Variants in BEND5 observed in about 807,000 individuals in gnomAD.
BEND5 encodes BEN domain containing 5.
BEND5 carries 22 observed loss-of-function variants against 43.9 expected under a neutral mutation model. That is an observed-to-expected ratio of 0.50 (90% CI 0.36 to 0.72). The LOEUF (loss-of-function observed/expected upper bound fraction) is 0.72, where lower values mean the gene tolerates loss of function less well. Ranked by LOEUF, BEND5 falls within the 30% of genes least tolerant of loss-of-function variation. The probability of loss-of-function intolerance (pLI) is 0.00; values close to 1 mark genes in which losing one functional copy is unlikely to be tolerated. For missense variants in BEND5, 428 were observed against 550.6 expected (o/e 0.78, Z 2.23); for synonymous variants, 228 against 225.9 (o/e 1.01, Z -0.08).
intron 1 of BEND5, among the ~76,000 whole-genome samples, chr1:48,762,614 T>TTGTGTGTGTGTGTGTG (rs58396843): frequency 9.0e-4 from 68 of 75,158 alleles, no homozygotes; most frequent in African/African-American, 2.6e-3. Flanking sequence ...TTTAAGGGTT[T>TTGTGTGTGTGTGTGTG]TGTGTGTGTG....
Position 48,761,324 on chromosome 1 carries a change from A to G in BEND5, c.360+13T>C. On this transcript the variant is annotated intron_variant, in intron 2 of 5. Transcript: ENST00000371833. The stretch of plus-strand genomic sequence containing the variant: ...CTCCAGCATACCTCCAAAGAAAGGA[A>G]AGATTTTGTTACCTTGATGTGTCTA... 4 of 1,541,340 alleles carry G rather than the reference A, an allele frequency of 2.6e-6. No individual in the cohort carries two copies. Among genetic ancestry groups the G allele is most frequent in the Non-Finnish European group, 3.5e-6 (4 of 1,142,734 alleles).
At chr1:48,743,759 T>C (rs114056380) in intron 3 of BEND5, among the ~76,000 whole-genome samples, 1,826 of 152,266 alleles carry the variant, frequency 0.012, 34 homozygotes, top group African/African-American at 0.042. Flanking sequence ...TCTTTATATA[T>C]TAAAGCCCTT....
chr1:48,771,466 T>C (rs146563805), intron 1 of BEND5, among the ~76,000 whole-genome samples: 3 of 152,362 alleles, frequency 2.0e-5, no homozygotes, highest in African/African-American at 4.8e-5. Flanking sequence ...GCACATACTA[T>C]TTAGCTGTAA....
chr1:48,776,659 G>A lies in BEND5; in HGVS notation c.173C>T (p.Pro58Leu). The A allele has an allele frequency of 6.7e-7, 1 of 1,493,782 alleles. No individual in the cohort carries two copies. Among genetic ancestry groups the A allele is most frequent in the East Asian group, 2.9e-5 (1 of 34,700 alleles). 92.5% of individuals were successfully genotyped at this position (1,493,782 alleles called of 1,614,324 possible). Residue 58 changes from proline to leucine, a missense_variant, in exon 1 of 6, where the codon CCC becomes CTC. Pro to Leu is a moderately conservative substitution (Grantham distance 98, BLOSUM62 -3). Around this residue, in one of 4 missense-constraint regions of BEND5, gnomAD observed 107 missense variants for 98.8 expected, o/e 1.08. Coordinates refer to ENST00000371833, the MANE Select transcript of BEND5 (RefSeq NM_024603.4). Reference protein sequence around the residue: ...GAGPESPPRAPRDWGALLLHK... With the variant: ...GAGPESPPRALRDWGALLLHK... ...GAGCAACAGCGCGCCCCAGTCGCGG[G>A]GGGCGCGCGGGGGGCTCTCGGGCCC...
chr1:48,745,344 G>A (rs1406652430), intron 3 of BEND5, among the ~76,000 whole-genome samples: 5 of 152,152 alleles, frequency 3.3e-5, no homozygotes, highest in African/African-American at 1.2e-4. Context: ...CTGTTAAGTT[G>A]AAATCAGAAG....
At position 48,776,683 on chromosome 1, in the gene BEND5, C is replaced by T; in HGVS notation, c.149G>A (p.Gly50Glu). ...GGGGGCGCGCGGGGGGCTCTCGGGCCCGGCGCCCAATTCCTCCGGGCCCCG... is the reference window on the plus strand; with the variant it reads ...GGGGGCGCGCGGGGGGCTCTCGGGCTCGGCGCCCAATTCCTCCGGGCCCCG... ...VYRGPEELGAGPESPPRAPRD... is the reference protein window; with the variant it reads ...VYRGPEELGAEPESPPRAPRD... Residue 50 changes from glycine to glutamate, a missense_variant, in exon 1 of 6, where the codon GGG (glycine) becomes GAG (glutamate). Coordinates refer to ENST00000371833, the MANE Select transcript of BEND5 (RefSeq NM_024603.4). The T allele has an allele frequency of 6.6e-7, 1 of 1,513,110 alleles. No individual in the cohort carries two copies. The highest frequency in any genetic ancestry group is 8.8e-7 in the Non-Finnish European group (1 of 1,132,150). 93.7% of individuals were successfully genotyped at this position (1,513,110 alleles called of 1,614,324 possible).
chr1:48,767,619 G>A (rs1365609964), intron 1 of BEND5, among the ~76,000 whole-genome samples: 1 of 152,154 alleles, frequency 6.6e-6, no homozygotes, highest in African/African-American at 2.4e-5. Context: ...ATGTGACTTT[G>A]GGATATGCTT....
intron 3 of BEND5, among the ~76,000 whole-genome samples, chr1:48,748,866 G>A (rs1490958801): frequency 6.6e-6 from 1 of 152,124 alleles, no homozygotes; most frequent in Admixed American, 6.5e-5. Flanking sequence ...TTTTCTGTGA[G>A]TGAGGGCAGG....
At chr1:48,763,079 A>C (rs953262115) in intron 1 of BEND5, among the ~76,000 whole-genome samples, 1 of 145,152 alleles carries the variant, frequency 6.9e-6, no homozygotes, top group African/African-American at 2.6e-5. Context: ...CTTAAGCATA[A>C]AGTGAATAGA....
At chr1:48,749,326 T>C (rs1651286470) in intron 3 of BEND5, among the ~76,000 whole-genome samples, 1 of 152,152 alleles carries the variant, frequency 6.6e-6, no homozygotes, top group Admixed American at 6.5e-5. Context: ...CGAGGGGATG[T>C]TCCTGCTATA....
Position 48,728,033 on chromosome 1 carries a change from A to G in BEND5, c.1119T>C (p.Tyr373=), listed in dbSNP as rs1217276953. Residue 373 remains tyrosine (Y), a synonymous_variant, in exon 6 of 6, where the codon TAT becomes TAC. Transcript: ENST00000371833. ...CCACAGTTTCTTGTGCTATTCTGTC[A>G]TACAAACACTCTAGACGGGGAGAAG... The part of the protein sequence containing the change: ...HKLSIVRECL[Y]DRIAQETVDE... 4 of 1,606,382 alleles carry G rather than the reference A, an allele frequency of 2.5e-6. No homozygotes were observed. In the East Asian group the frequency reaches 6.7e-5, roughly 27 times the overall value.
At position 48,736,584 on chromosome 1, in the gene BEND5, T is replaced by A; in HGVS notation, c.895-132A>T. 2.6e-6 allele frequency: 2 copies of A among 771,732 alleles called. No homozygotes were observed. The highest frequency in any genetic ancestry group is 4.2e-6 in the Non-Finnish European group (2 of 476,812). 47.8% of individuals were successfully genotyped at this position (771,732 alleles called of 1,614,324 possible). A position where few individuals can be genotyped will look rare whatever the true frequency, so the allele number is the denominator to read the frequency against. On this transcript the variant is annotated intron_variant, in intron 4 of 5. Coordinates refer to ENST00000371833, the MANE Select transcript of BEND5 (RefSeq NM_024603.4). The surrounding 1 kb of genome is among the most constrained non-coding windows in gnomAD (Gnocchi z 4.0). ...TCATAAATATGAAATTAACTCTCTT[T>A]AAGGGTAATCGTAATAGCTATCATC...
At chr1:48,738,136 T>A (rs1455954710) in intron 4 of BEND5, among the ~76,000 whole-genome samples, 2 of 152,156 alleles carry the variant, frequency 1.3e-5, no homozygotes, top group Non-Finnish European at 2.9e-5. Flanking sequence ...AGTTAGGCAG[T>A]CAGGTCAGCC....
intron 3 of BEND5, among the ~76,000 whole-genome samples, chr1:48,748,749 G>T (rs1053984885): frequency 2.0e-5 from 3 of 152,102 alleles, no homozygotes; most frequent in Non-Finnish European, 4.4e-5. Context: ...ATCCTAGAAG[G>T]CTTCAGGAAA....
chr1:48,730,566 G>C (rs1647946611), intron 5 of BEND5, among the ~76,000 whole-genome samples: 1 of 152,192 alleles, frequency 6.6e-6, no homozygotes, highest in Admixed American at 6.5e-5. Flanking sequence ...AGTCAGGGAA[G>C]TGGTAGAAGG....
At chr1:48,752,268 A>G (rs1158446669) in intron 3 of BEND5, among the ~76,000 whole-genome samples, 1 of 152,182 alleles carries the variant, frequency 6.6e-6, no homozygotes, top group East Asian at 1.9e-4. Context: ...GACAGGAAAG[A>G]GCTCTGAGAT....
At chr1:48,760,789 G>C (rs1441125374) in intron 2 of BEND5, among the ~76,000 whole-genome samples, 1 of 152,180 alleles carries the variant, frequency 6.6e-6, no homozygotes, top group Non-Finnish European at 1.5e-5. Context: ...AAAACAGCTA[G>C]CTTGCCGAAC....
intron 1 of BEND5, among the ~76,000 whole-genome samples, chr1:48,775,320 A>T (rs1645024743): frequency 6.6e-6 from 1 of 152,174 alleles, no homozygotes; most frequent in Non-Finnish European, 1.5e-5. Context: ...TTTCAGAGGC[A>T]ACATGAGTTG....
At chr1:48,763,100 A>AAAC (rs138330596) in intron 1 of BEND5, among the ~76,000 whole-genome samples, 93 of 151,206 alleles carry the variant, frequency 6.2e-4, no homozygotes, top group African/African-American at 2.0e-3. Context: ...GATTTAATTA[A>AAAC]AACAACAACA....
Sources: allele counts gnomAD v4.1 joint callset (sites outside exome capture counted in the v4.1 genomes callset), GRCh38; gene constraint gnomAD v4.1.1; regional missense constraint gnomAD v4.1.1; non-coding constraint Gnocchi (gnomAD v3.1); transcripts MANE v1.5; gene names NCBI Gene and HGNC (gene_info 2026-07-23, HGNC 2026-07-21).